The following HDAC4 variants were observed in gnomAD, a reference collection of about 807,000 sequenced individuals.
The protein encoded by HDAC4 is histone deacetylase 4.
HDAC4 carries 16 observed loss-of-function variants against 135.1 expected under a neutral mutation model. The ratio of observed to expected loss-of-function variants is 0.12; its 90% CI spans 0.08 to 0.18. The LOEUF (loss-of-function observed/expected upper bound fraction) is 0.18, where lower values mean the gene tolerates loss of function less well. Ranked by LOEUF, HDAC4 falls within the 10% of genes least tolerant of loss-of-function variation. The pLI is 1.00. For missense variants in HDAC4, 1,143 were observed against 1,511.8 expected (o/e 0.76, Z 4.05); for synonymous variants, 685 against 653.4 (o/e 1.05, Z -0.74).
chr2:239,360,436 G>A (rs1383935505), intron 1 of HDAC4, among the ~76,000 whole-genome samples: 1 of 152,196 alleles, frequency 6.6e-6, no homozygotes, highest in Non-Finnish European at 1.5e-5. Context: ...TTCAGGGTCT[G>A]CCCAGGCACC....
chr2:239,067,840 C>T (rs1242552266), intron 23 of HDAC4, among the ~76,000 whole-genome samples: 2 of 152,202 alleles, frequency 1.3e-5, no homozygotes. Flanking sequence ...GCCTTGAGGG[C>T]ATCACCAGGG....
Position 239,311,287 on chromosome 2 carries a change from C to G in HDAC4, c.22+41391G>C, listed in dbSNP as rs529929176. ...TGTCCCCTGCTGTGTCACTGGCATG[C>G]TGGTCTTGCATGGCACTGAGATGTG... On this transcript the variant is annotated intron_variant, in intron 2 of 26. Coordinates refer to ENST00000543185, the MANE Select transcript of HDAC4 (RefSeq NM_001378414.1). 9.2e-5 allele frequency among the ~76,000 whole-genome samples: 14 copies of G among 152,304 alleles called. No homozygotes were observed. In the South Asian group the frequency reaches 2.9e-3, roughly 32 times the overall value.
rs1199082783 is a variant in HDAC4, at chr2:239,320,375, T to C, written c.22+32303A>G. Among the ~76,000 whole-genome samples the C allele has an allele frequency of 6.5e-5, 8 of 123,472 alleles. No individual in the cohort carries two copies. In the South Asian group the frequency reaches 2.1e-3, roughly 33 times the overall value. 81.0% of individuals were successfully genotyped at this position (123,472 alleles called of 152,430 possible). ...CCAGCCTGGGGAACAAGAGTGAGAC[T>C]TCATCTCAAAAAAAAAAAAAAAAAA... On this transcript the variant is annotated intron_variant, in intron 2 of 26. Transcript: ENST00000543185.
chr2:239,239,199 C>T (rs1266521590), intron 2 of HDAC4, among the ~76,000 whole-genome samples: 2 of 152,226 alleles, frequency 1.3e-5, no homozygotes, highest in Non-Finnish European at 2.9e-5. Context: ...AAGTCCTGGG[C>T]CTCCTGGACT....
intron 2 of HDAC4, among the ~76,000 whole-genome samples, chr2:239,326,343 G>A (rs1311568516): frequency 6.6e-6 from 1 of 152,172 alleles, no homozygotes; most frequent in East Asian, 1.9e-4. Flanking sequence ...AATGGTGAAT[G>A]GTGGGTGCCG....
At chr2:239,327,973 C>G (rs1329474126) in intron 2 of HDAC4, among the ~76,000 whole-genome samples, 2 of 152,228 alleles carry the variant, frequency 1.3e-5, no homozygotes, top group Non-Finnish European at 2.9e-5. Flanking sequence ...AATGTCTGTA[C>G]AGGCCCATGC....
At position 239,352,651 on chromosome 2, in the gene HDAC4, C is replaced by T. The variant is rs1327891903; in HGVS notation, c.22+27G>A. ...TGGGCAAAGAAAGCCCCGCTGTGTG[C>T]CCAGAGAAGAAATGACCCGGCCTTA... On this transcript the variant is annotated intron_variant, in intron 2 of 26. Transcript: ENST00000543185. The surrounding 1 kb of genome is among the most constrained non-coding windows in gnomAD (Gnocchi z 4.4). 2 of 1,552,066 alleles carry T rather than the reference C, an allele frequency of 1.3e-6. No homozygotes were observed. Among genetic ancestry groups the T allele is most frequent in the South Asian group, 2.4e-5 (2 of 84,116 alleles).
At chr2:239,176,965 C>T (rs1160133908) in intron 4 of HDAC4, among the ~76,000 whole-genome samples, 1 of 152,168 alleles carries the variant, frequency 6.6e-6, no homozygotes, top group Non-Finnish European at 1.5e-5. Flanking sequence ...CCCCGAGACC[C>T]AGCAATCCCA....
chr2:239,378,253 C>T (rs938780385), intron 1 of HDAC4, among the ~76,000 whole-genome samples: 12 of 152,094 alleles, frequency 7.9e-5, no homozygotes, highest in South Asian at 6.2e-4. Flanking sequence ...CTGGGGGAGA[C>T]GAGCACCCAG....
At chr2:239,252,205 T>C (rs2048819168) in intron 2 of HDAC4, among the ~76,000 whole-genome samples, 1 of 152,080 alleles carries the variant, frequency 6.6e-6, no homozygotes, top group Non-Finnish European at 1.5e-5. Context: ...TCGCCCAGCA[T>C]CAAAGCCAGG....
In HDAC4 at chr2:239,271,452, T is replaced by G. The variant is rs140364516; in HGVS notation, c.23-34788A>C. 1.2e-3 allele frequency among the ~76,000 whole-genome samples: 176 copies of G among 152,342 alleles called. 1 individual carries two copies. Among genetic ancestry groups the G allele is most frequent in the African/African-American group, 4.2e-3 (173 of 41,568 alleles). ...GCTTAGTGTGTTTTTTGTTTACACA[T>G]TCTAAGTTTTCAGTGCTGTTGTGTT... On this transcript the variant is annotated intron_variant, in intron 2 of 26. Coordinates refer to ENST00000543185, the MANE Select transcript of HDAC4 (RefSeq NM_001378414.1).
Position 239,051,831 on chromosome 2 carries a change from G to A in HDAC4, c.*1266C>T, listed in dbSNP as rs144267489. On this transcript the variant is annotated 3_prime_UTR_variant, in exon 27 of 27. Transcript: ENST00000543185. ...AAGCCATCCATTTGCAGGGACCTTC[G>A]CAATCTGCATTCATTTTATATATAT... The A allele has an allele frequency of 2.0e-5, 3 of 151,390 alleles. No homozygotes were observed. The highest frequency in any genetic ancestry group is 3.4e-3 in the Middle Eastern group (1 of 294). The allele number at this position is 151,390 out of a possible 1,614,324, so 9.4% of individuals were successfully genotyped here. A position where few individuals can be genotyped will look rare whatever the true frequency, so the allele number is the denominator to read the frequency against.
At chr2:239,389,769 C>G (rs1696072228) in intron 1 of HDAC4, among the ~76,000 whole-genome samples, 1 of 152,182 alleles carries the variant, frequency 6.6e-6, no homozygotes, top group Non-Finnish European at 1.5e-5. Context: ...TCCCCTTCCC[C>G]CTTCCTTCCT....
At chr2:239,191,473 C>T (rs2044951138) in intron 3 of HDAC4, among the ~76,000 whole-genome samples, 1 of 152,264 alleles carries the variant, frequency 6.6e-6, no homozygotes, top group African/African-American at 2.4e-5. Context: ...AGCATTTCCA[C>T]AGTCACTGCC....
At chr2:239,177,544 G>A (rs1258973947) in intron 4 of HDAC4, among the ~76,000 whole-genome samples, 2 of 152,202 alleles carry the variant, frequency 1.3e-5, no homozygotes, top group African/African-American at 2.4e-5. Context: ...TGTCCGACCT[G>A]TTGACTGTCT....
chr2:239,094,893 G>T, intron 17 of HDAC4, 117 bp downstream of exon 17: 1 of 1,599,112 alleles, frequency 6.3e-7, no homozygotes, highest in Non-Finnish European at 8.5e-7. Flanking sequence ...CAGCCCCTGC[G>T]TATGGAAAAC....
chr2:239,151,202 G>A (rs1390325552), intron 7 of HDAC4, among the ~76,000 whole-genome samples: 1 of 152,254 alleles, frequency 6.6e-6, no homozygotes, highest in African/African-American at 2.4e-5. Context: ...CAGGTCACTA[G>A]TACACAGGGC....
chr2:239,180,360 C>T (rs2044068519), intron 4 of HDAC4, among the ~76,000 whole-genome samples: 1 of 152,238 alleles, frequency 6.6e-6, no homozygotes, highest in Non-Finnish European at 1.5e-5. Context: ...CAATCCCGTT[C>T]CTGGACCTCG....
chr2:239,067,211 T>C (rs921378688), intron 23 of HDAC4, among the ~76,000 whole-genome samples: 3 of 152,200 alleles, frequency 2.0e-5, no homozygotes, highest in African/African-American at 7.2e-5. Context: ...GCTCTGGTTA[T>C]CTGACATGCT....
Sources: allele counts gnomAD v4.1 joint callset (sites outside exome capture counted in the v4.1 genomes callset), GRCh38; gene constraint gnomAD v4.1.1; non-coding constraint Gnocchi (gnomAD v3.1); transcripts MANE v1.5; gene names NCBI Gene and HGNC (gene_info 2026-07-23, HGNC 2026-07-21).